The following ADAMTS17 variants were observed in gnomAD, a reference collection of about 807,000 sequenced individuals.
The protein encoded by ADAMTS17 is ADAM metallopeptidase with thrombospondin type 1 motif 17, also known as A disintegrin and metalloproteinase with thrombospondin motifs 17.
Under a neutral mutation model 141.5 loss-of-function variants are expected in ADAMTS17, and 113 were observed. That is an observed-to-expected ratio of 0.80 (90% CI 0.69 to 0.93). The LOEUF (loss-of-function observed/expected upper bound fraction) is 0.93. ADAMTS17 is among the 40% of genes least tolerant of loss of function. ADAMTS17 has a pLI of 0.00. For synonymous variants in ADAMTS17, 768 were observed against 630.6 expected, an observed-to-expected ratio of 1.22 and a Z score of -3.27; for missense variants, 1,659 against 1,517.9, an observed-to-expected ratio of 1.09 and a Z score of -1.54.
chr15:100,115,109 A>G (rs1377174403), intron 13 of ADAMTS17, among the ~76,000 whole-genome samples: 2 of 152,318 alleles, frequency 1.3e-5, no homozygotes, highest in Middle Eastern at 3.4e-3. Context: ...AAGTATCTTT[A>G]TCTGGCATGC....
intron 16 of ADAMTS17, among the ~76,000 whole-genome samples, chr15:100,052,426 G>A (rs564296524): frequency 2.6e-4 from 39 of 152,236 alleles, no homozygotes; most frequent in South Asian, 1.7e-3. Flanking sequence ...AATATTAAGC[G>A]AGGGCTGAAA....
intron 7 of ADAMTS17, among the ~76,000 whole-genome samples, chr15:100,251,228 T>A (rs1334057655): frequency 1.3e-5 from 2 of 152,152 alleles, no homozygotes; most frequent in African/African-American, 4.8e-5. Flanking sequence ...CTCCACCCAG[T>A]CCCGACCATT....
At chr15:100,295,749 G>C (rs1025972485) in intron 3 of ADAMTS17, among the ~76,000 whole-genome samples, 10 of 152,150 alleles carry the variant, frequency 6.6e-5, no homozygotes, top group African/African-American at 2.4e-4. Context: ...AAATCCCTCT[G>C]TTAGAAATAC....
At chr15:99,991,741 T>G (rs1200782725) in intron 20 of ADAMTS17, among the ~76,000 whole-genome samples, 5 of 152,336 alleles carry the variant, frequency 3.3e-5, no homozygotes, top group African/African-American at 1.2e-4. Context: ...ACTGCGGCAC[T>G]GTTGACAATA....
At chr15:100,053,660 G>A (rs370816268) in intron 16 of ADAMTS17, among the ~76,000 whole-genome samples, 1 of 152,108 alleles carries the variant, frequency 6.6e-6, no homozygotes, top group Non-Finnish European at 1.5e-5. Flanking sequence ...ATAGGAGCTC[G>A]GCCAGGGAAG....
intron 3 of ADAMTS17, among the ~76,000 whole-genome samples, chr15:100,310,157 C>G (rs890107678): frequency 1.3e-5 from 2 of 152,152 alleles, no homozygotes; most frequent in Non-Finnish European, 2.9e-5. Flanking sequence ...CACTCTGCAC[C>G]AACAAGATGA....
intron 18 of ADAMTS17, among the ~76,000 whole-genome samples, chr15:100,007,939 G>A (rs1033024880): frequency 1.3e-5 from 2 of 152,092 alleles, no homozygotes; most frequent in African/African-American, 2.4e-5. Context: ...CAAGCACCTG[G>A]GGGGAATGAC....
At chr15:100,216,876 AAC>A (rs1454742938) in intron 7 of ADAMTS17, among the ~76,000 whole-genome samples, 1 of 152,216 alleles carries the variant, frequency 6.6e-6, no homozygotes, top group Non-Finnish European at 1.5e-5. Context: ...TTAGATTCGA[AAC>A]ACACATTGAA....
intron 4 of ADAMTS17, among the ~76,000 whole-genome samples, chr15:100,274,907 A>G (rs2044028829): frequency 6.6e-6 from 1 of 152,100 alleles, no homozygotes; most frequent in South Asian, 2.1e-4. Context: ...TGGGGATTAT[A>G]TTTAATTAGG....
chr15:99,982,574 G>A lies in ADAMTS17; in HGVS notation c.2950-6352C>T, dbSNP rs144491957. Among the ~76,000 whole-genome samples, 30 of 152,328 alleles carry A rather than the reference G, an allele frequency of 2.0e-4. No individual in the cohort carries two copies. In the East Asian group the frequency reaches 5.6e-3, roughly 28 times the overall value. On this transcript the variant is annotated intron_variant, in intron 20 of 21. Coordinates refer to ENST00000268070, the MANE Select transcript of ADAMTS17 (RefSeq NM_139057.4). ...ACGTTAATTGAACAGTGAGGAGACTGTAGTGTCTCCTGATAGCATCGAATT... is the reference window on the plus strand; with the variant it reads ...ACGTTAATTGAACAGTGAGGAGACTATAGTGTCTCCTGATAGCATCGAATT...
In ADAMTS17 at chr15:99,991,182, A is replaced by G. The variant is rs375718380; in HGVS notation, c.2949+1866T>C. On this transcript the variant is annotated intron_variant, in intron 20 of 21. Coordinates refer to ENST00000268070, the MANE Select transcript of ADAMTS17 (RefSeq NM_139057.4). The stretch of plus-strand genomic sequence containing the variant: ...CAGAACTGACAAATGGGATCTAATT[A>G]AACTAAAGAGCTTCTGCACAGCAAA... 2.5e-4 allele frequency among the ~76,000 whole-genome samples: 38 copies of G among 152,380 alleles called. No homozygotes were observed. The South Asian group carries it at 7.9e-3, about 32-fold the overall frequency.
chr15:100,160,783 C>T lies in ADAMTS17; in HGVS notation c.1182-5463G>A, dbSNP rs543300632. ...GAGTTTGTCTCTAATATAGATCACG[C>T]TTGATCTCCTTTAAAATGTTTACAT... is the stretch of plus-strand genomic sequence containing the variant. On this transcript the variant is annotated intron_variant, in intron 8 of 21. Coordinates refer to ENST00000268070, the MANE Select transcript of ADAMTS17 (RefSeq NM_139057.4). Among the ~76,000 whole-genome samples the T allele has an allele frequency of 6.8e-4, 103 of 152,286 alleles. No homozygotes were observed. The South Asian group carries it at 8.3e-3, about 12-fold the overall frequency.
chr15:100,041,768 T>C (rs1042782452), intron 18 of ADAMTS17, among the ~76,000 whole-genome samples: 1 of 152,032 alleles, frequency 6.6e-6, no homozygotes, highest in African/African-American at 2.4e-5. Flanking sequence ...TCCACAGAGC[T>C]AGGATTAGAA....
At chr15:100,025,578 A>T (rs1014853764) in intron 18 of ADAMTS17, among the ~76,000 whole-genome samples, 2 of 151,418 alleles carry the variant, frequency 1.3e-5, no homozygotes, top group African/African-American at 4.9e-5. Flanking sequence ...CGCCCAGCTA[A>T]TTTTTTTGTA....
chr15:100,124,054 C>A (rs2037591966), intron 12 of ADAMTS17, among the ~76,000 whole-genome samples: 1 of 151,502 alleles, frequency 6.6e-6, no homozygotes, highest in Admixed American at 6.6e-5. Context: ...ACCTCTGCCT[C>A]CTGGGTTCAG....
At chr15:100,289,689 T>G (rs1202129210) in intron 3 of ADAMTS17, among the ~76,000 whole-genome samples, 1 of 152,212 alleles carries the variant, frequency 6.6e-6, no homozygotes, top group African/African-American at 2.4e-5. Flanking sequence ...GCTTTATTCC[T>G]GGGATGCAAG....
intron 7 of ADAMTS17, among the ~76,000 whole-genome samples, chr15:100,231,528 G>T (rs1364628344): frequency 6.6e-6 from 1 of 152,174 alleles, no homozygotes; most frequent in Non-Finnish European, 1.5e-5. Context: ...TACTGATGGT[G>T]ATCTGTTTCC....
intron 7 of ADAMTS17, among the ~76,000 whole-genome samples, chr15:100,205,537 G>A (rs938759536): frequency 6.6e-5 from 10 of 152,208 alleles, no homozygotes; most frequent in African/African-American, 1.9e-4. Flanking sequence ...AGGGAGCAAT[G>A]TAACGTTTGT....
intron 18 of ADAMTS17, among the ~76,000 whole-genome samples, chr15:100,039,955 CT>C (rs1245048571): frequency 1.3e-5 from 2 of 152,024 alleles, no homozygotes; most frequent in Non-Finnish European, 2.9e-5. Context: ...CATAAAATGT[CT>C]GTATTCTAGT....
Sources: gnomAD v4.1 joint callset for allele counts (sites outside exome capture counted in the v4.1 genomes callset) on GRCh38, gnomAD v4.1.1 for gene constraint, MANE v1.5 for transcripts, NCBI Gene and HGNC (gene_info 2026-07-23, HGNC 2026-07-21) for gene names.